Variants in AP3S1 observed in about 807,000 individuals in gnomAD.
AP3S1 encodes the protein AP-3 complex subunit sigma-1.
AP3S1 carries 12 observed loss-of-function variants against 21.3 expected under a neutral mutation model. That is an observed-to-expected ratio of 0.56 (90% confidence interval 0.36 to 0.91). AP3S1 has a LOEUF of 0.91. AP3S1 is among the 40% of genes least tolerant of loss of function. The pLI is 0.01. For synonymous variants in AP3S1, 48 were observed against 78.4 expected, an observed-to-expected ratio of 0.61 and a Z score of 2.05; for missense variants, 116 against 225.0, an observed-to-expected ratio of 0.52 and a Z score of 3.10.
chr5:115,864,985 A>G (rs1000983669), intron 1 of AP3S1, among the ~76,000 whole-genome samples: 2 of 152,166 alleles, frequency 1.3e-5, no homozygotes, highest in African/African-American at 2.4e-5. Flanking sequence ...ACAGTGGAAC[A>G]AGGATTAGTA....
chr5:115,842,330 C>T (rs556517394), intron 1 of AP3S1, among the ~76,000 whole-genome samples: 3 of 152,292 alleles, frequency 2.0e-5, no homozygotes, highest in African/African-American at 7.2e-5. Context: ...GGCGGTTCCT[C>T]CGCCCGTCGG....
At chr5:115,908,871 G>T in intron 5 of AP3S1, 1 of 518,316 alleles carries the variant, frequency 1.9e-6, no homozygotes. Flanking sequence ...TTTCTTTTTT[G>T]CTCAAAAACA....
chr5:115,909,684 T>C (rs754274765), intron 5 of AP3S1, among the ~76,000 whole-genome samples: 4 of 152,196 alleles, frequency 2.6e-5, no homozygotes, highest in Non-Finnish European at 4.4e-5. Context: ...ATTTCTGCTG[T>C]GTGTCAACTA....
chr5:115,910,367 A>G (rs1035264731), intron 5 of AP3S1, among the ~76,000 whole-genome samples: 6 of 152,172 alleles, frequency 3.9e-5, no homozygotes, highest in Non-Finnish European at 7.4e-5. Context: ...CCACGGGTAA[A>G]TGAAACCATG....
At chr5:115,909,971 A>G (rs1751964423) in intron 5 of AP3S1, among the ~76,000 whole-genome samples, 1 of 152,206 alleles carries the variant, frequency 6.6e-6, no homozygotes, top group Non-Finnish European at 1.5e-5. Context: ...AATGCAATAA[A>G]AGTCATGTGA....
Position 115,870,020 on chromosome 5 carries a change from A to G in AP3S1, c.165A>G (p.Leu55=), listed in dbSNP as rs761239230. ...TTACAATTTTTTTGTCATTTAGATT[A>G]ATTGGAGGATCTGACAACAAACTGA... ...NVCNFLEGGL[L]IGGSDNKLIY... is the part of the protein sequence containing the mutation. Residue 55 remains leucine (L), a synonymous_variant, in exon 3 of 6, where the codon TTA becomes TTG. Transcript: ENST00000316788. 17 of 1,590,324 alleles carry G rather than the reference A, an allele frequency of 1.1e-5. No homozygotes were observed. The highest frequency in any genetic ancestry group is 1.5e-5 in the Non-Finnish European group (17 of 1,170,622).
At chr5:115,910,398 G>T (rs555051638) in intron 5 of AP3S1, among the ~76,000 whole-genome samples, 2 of 152,186 alleles carry the variant, frequency 1.3e-5, no homozygotes, top group Admixed American at 1.3e-4. Flanking sequence ...TTGCGGGTAA[G>T]GGGGGACTAC....
chr5:115,901,392 CTTTT>C (rs35793318), intron 4 of AP3S1, among the ~76,000 whole-genome samples: 7 of 111,644 alleles, frequency 6.3e-5, no homozygotes, highest in African/African-American at 1.3e-4. Flanking sequence ...TGCCTATATT[CTTTT>C]TTTTTTTTTT....
At chr5:115,906,389 A>T (rs978674335) in intron 5 of AP3S1, among the ~76,000 whole-genome samples, 1 of 152,190 alleles carries the variant, frequency 6.6e-6, no homozygotes, top group Non-Finnish European at 1.5e-5. Context: ...TAAAGTTAGT[A>T]CATTTCTGGT....
chr5:115,859,042 C>T (rs1762987087), intron 1 of AP3S1, among the ~76,000 whole-genome samples: 1 of 151,888 alleles, frequency 6.6e-6, no homozygotes, highest in African/African-American at 2.4e-5. Flanking sequence ...GTTTGCTGCA[C>T]CTATATTAGA....
chr5:115,905,592 G>C (rs1751578730), intron 5 of AP3S1, among the ~76,000 whole-genome samples: 1 of 152,140 alleles, frequency 6.6e-6, no homozygotes, highest in East Asian at 1.9e-4. Context: ...ATTTAGCCCT[G>C]ATCATCTTTT....
At chr5:115,907,645 A>G (rs900544701) in intron 5 of AP3S1, among the ~76,000 whole-genome samples, 3 of 152,170 alleles carry the variant, frequency 2.0e-5, no homozygotes, top group Non-Finnish European at 4.4e-5. Flanking sequence ...ATCAGAATCA[A>G]TAAAAATATA....
At chr5:115,849,750 G>A (rs1762304857) in intron 1 of AP3S1, among the ~76,000 whole-genome samples, 1 of 152,130 alleles carries the variant, frequency 6.6e-6, no homozygotes, top group South Asian at 2.1e-4. Flanking sequence ...TGCTAGGCCA[G>A]TGAATGAAGG....
chr5:115,858,093 G>GT (rs1466115346), intron 1 of AP3S1, among the ~76,000 whole-genome samples: 1 of 152,152 alleles, frequency 6.6e-6, no homozygotes, highest in Admixed American at 6.6e-5. Flanking sequence ...GTCATGCTGG[G>GT]ATCTTTATTA....
rs1188470473 is a variant in AP3S1 at position 115,906,974 on chromosome 5, T to A, written c.453+3982T>A. The A allele has an allele frequency of 3.9e-6, 5 of 1,298,580 alleles. No homozygotes were observed. In the African/African-American group the frequency reaches 6.0e-5, roughly 16 times the overall value. 80.4% of individuals were successfully genotyped at this position (1,298,580 alleles called of 1,614,324 possible). The stretch of plus-strand genomic sequence containing the variant: ...AATTCTTTGTGTTAATAAACCCATA[T>A]AGTCCCTGTAGCCTATTTTCCATTC... On this transcript the variant is annotated intron_variant, in intron 5 of 5. Transcript: ENST00000316788.
intron 1 of AP3S1, among the ~76,000 whole-genome samples, chr5:115,862,796 T>A (rs910705129): frequency 3.9e-5 from 6 of 152,216 alleles, no homozygotes; most frequent in Non-Finnish European, 8.8e-5. Flanking sequence ...TGAATAACAC[T>A]ATGGGAGTCA....
chr5:115,892,979 A>G (rs1013311929), intron 3 of AP3S1, among the ~76,000 whole-genome samples: 1 of 152,212 alleles, frequency 6.6e-6, no homozygotes, highest in African/African-American at 2.4e-5. Flanking sequence ...AATTATAGCT[A>G]GACAAAATTA....
chr5:115,897,015 A>G (rs995721114), intron 4 of AP3S1, among the ~76,000 whole-genome samples: 2 of 152,214 alleles, frequency 1.3e-5, no homozygotes, highest in Non-Finnish European at 2.9e-5. Context: ...TGCAACTTCC[A>G]TACATGACAC....
chr5:115,855,371 G>A (rs1170053321), intron 1 of AP3S1, among the ~76,000 whole-genome samples: 3 of 151,304 alleles, frequency 2.0e-5, no homozygotes, highest in South Asian at 2.1e-4. Flanking sequence ...CCAGGGCCTC[G>A]CTCAGCCACC....
Sources: gnomAD v4.1 joint callset for allele counts (sites outside exome capture counted in the v4.1 genomes callset) on GRCh38, gnomAD v4.1.1 for gene constraint, MANE v1.5 for transcripts, NCBI Gene and HGNC (gene_info 2026-07-23, HGNC 2026-07-21) for gene names.